Variants in FSHR observed in about 807,000 individuals in gnomAD.
FSHR encodes the protein follicle-stimulating hormone receptor.
FSHR carries 46 observed loss-of-function variants against 52.1 expected under a neutral mutation model. That is an observed-to-expected ratio of 0.88 (90% CI 0.70 to 1.13). The LOEUF is 1.13. Ranked by LOEUF, FSHR falls within the 50% of genes most tolerant of loss-of-function variation. FSHR has a pLI of 0.00. For missense variants in FSHR, 964 were observed against 834.6 expected, an observed-to-expected ratio of 1.16 and a Z score of -1.91; for synonymous variants, 399 against 309.6, an observed-to-expected ratio of 1.29 and a Z score of -3.03.
chr2:49,044,806 C>T (rs1225966520), intron 2 of FSHR, among the ~76,000 whole-genome samples: 1 of 152,182 alleles, frequency 6.6e-6, no homozygotes, highest in Non-Finnish European at 1.5e-5. Context: ...ACTGCCAGGA[C>T]ATAATGGCTA....
chr2:49,021,863 CTATATA>C (rs1224896244), intron 2 of FSHR, among the ~76,000 whole-genome samples: 9 of 49,864 alleles, frequency 1.8e-4, no homozygotes, highest in African/African-American at 3.3e-4. Flanking sequence ...CTCTCTCTCT[CTATATA>C]TATATATATA....
chr2:48,963,665 T>A lies in FSHR; in HGVS notation c.1156A>T (p.Ile386Phe). 1 of 1,614,122 alleles carries A rather than the reference T, an allele frequency of 6.2e-7. No homozygotes were observed. Among genetic ancestry groups the A allele is most frequent in the Non-Finnish European group, 8.5e-7 (1 of 1,180,002 alleles). The change falls in exon 10 of 10, where the codon ATC (isoleucine) becomes TTC (phenylalanine). Residue 386 changes from isoleucine (I) to phenylalanine (F), a missense_variant. Transcript: ENST00000406846. Reference protein sequence around the residue: ...AITGNIIVLVILTTSQYKLTV... With the variant: ...AITGNIIVLVFLTTSQYKLTV... ...AGTTTATATTGGCTGGTAGTTAGGA[T>A]CACTAGCACTATGATGTTCCCAGTG...
In FSHR at chr2:49,033,964, C is replaced by T. The variant is rs576786555; in HGVS notation, c.225-13804G>A. Among the ~76,000 whole-genome samples, 8 of 152,142 alleles carry T rather than the reference C, an allele frequency of 5.3e-5. No individual in the cohort carries two copies. In the South Asian group the frequency reaches 1.7e-3, roughly 32 times the overall value. On this transcript the variant is annotated intron_variant, in intron 2 of 9. Transcript: ENST00000406846. ...GGCTGGATATCAATGGGCTTTAGGT[C>T]CTCAGCCACTGAAGGAAAAGATGAA...
chr2:49,148,243 G>A (rs1328338671), intron 1 of FSHR, among the ~76,000 whole-genome samples: 6 of 152,010 alleles, frequency 3.9e-5, no homozygotes, highest in Middle Eastern at 3.4e-3. Context: ...TAACTCAGTA[G>A]ACCTTGTTTC....
chr2:49,145,391 A>T (rs1420306896), intron 1 of FSHR, among the ~76,000 whole-genome samples: 1 of 152,074 alleles, frequency 6.6e-6, no homozygotes, highest in Non-Finnish European at 1.5e-5. Context: ...TAAAACAAGG[A>T]TTTGCTAGCT....
chr2:49,107,719 T>G (rs1438265515), intron 1 of FSHR, among the ~76,000 whole-genome samples: 4 of 152,158 alleles, frequency 2.6e-5, no homozygotes, highest in African/African-American at 9.6e-5. Context: ...CACTACAAAG[T>G]AAGAACTACT....
chr2:49,019,049 A>T, intron 3 of FSHR, among the ~76,000 whole-genome samples: 1 of 152,216 alleles, frequency 6.6e-6, no homozygotes, highest in East Asian at 1.9e-4. Context: ...CTGTAAAATT[A>T]GGAGGTAGTT....
rs1675637114 is a variant in FSHR, at chr2:48,988,886, C to G, written c.524+91G>C. On this transcript the variant is annotated intron_variant, in intron 6 of 9. Coordinates refer to ENST00000406846, the MANE Select transcript of FSHR (RefSeq NM_000145.4). ...TTAAGTGGAGAAATGCCAAAGTTAC[C>G]CAAACAAAAAAGGAGCATCCAATTA... is the stretch of plus-strand genomic sequence containing the variant. 4 of 1,065,734 alleles carry G rather than the reference C, an allele frequency of 3.8e-6. 1 individual carries two copies. Among genetic ancestry groups the G allele is most frequent in the African/African-American group, 3.1e-5 (2 of 63,590 alleles). The allele number at this position is 1,065,734 out of a possible 1,614,324, so 66.0% of individuals were successfully genotyped here.
chr2:49,104,496 G>T (rs1401329229), intron 1 of FSHR, among the ~76,000 whole-genome samples: 1 of 152,068 alleles, frequency 6.6e-6, no homozygotes, highest in African/African-American at 2.4e-5. Flanking sequence ...CTTTTAGATA[G>T]AAAGAAAAGC....
intron 8 of FSHR, among the ~76,000 whole-genome samples, chr2:48,982,362 G>A (rs1675289936): frequency 6.6e-6 from 1 of 152,186 alleles, no homozygotes. Context: ...TGCATCCCAA[G>A]GGATTTGGAA....
chr2:48,986,792 G>A (rs1344384155), intron 6 of FSHR, among the ~76,000 whole-genome samples: 1 of 152,100 alleles, frequency 6.6e-6, no homozygotes, highest in African/African-American at 2.4e-5. Flanking sequence ...CTCTAGTTGG[G>A]GAGAGTTGAG....
intron 4 of FSHR, among the ~76,000 whole-genome samples, chr2:49,002,131 T>A (rs1395574133): frequency 6.6e-6 from 1 of 152,088 alleles, no homozygotes; most frequent in Non-Finnish European, 1.5e-5. Flanking sequence ...CAGTAAATAT[T>A]TTACAGGTCT....
rs70946839 is a variant in FSHR at position 48,985,697 on chromosome 2, G to GTTTTTTTTTTTTTT, written c.525-2545_525-2532dup. Among the ~76,000 whole-genome samples, 11 of 99,540 alleles carry GTTTTTTTTTTTTTT rather than the reference G, an allele frequency of 1.1e-4. 4 individuals carry two copies. Among genetic ancestry groups the GTTTTTTTTTTTTTT allele is most frequent in the African/African-American group, 2.5e-4 (6 of 23,878 alleles). 65.3% of individuals were successfully genotyped at this position (99,540 alleles called of 152,430 possible). On this transcript the variant is annotated intron_variant, in intron 6 of 9. Coordinates refer to ENST00000406846, the MANE Select transcript of FSHR (RefSeq NM_000145.4). ...TTCAGTTTCAGGGGAGCAAGTACAG[G>GTTTTTTTTTTTTTT]TTTTTTTTTTTTTTTTTTTTTTTTT...
chr2:48,980,686 C>G (rs568478549), intron 8 of FSHR, among the ~76,000 whole-genome samples: 1 of 152,122 alleles, frequency 6.6e-6, no homozygotes, highest in Non-Finnish European at 1.5e-5. Context: ...TTCAATTAAA[C>G]GTATTTATGG....
intron 1 of FSHR, among the ~76,000 whole-genome samples, chr2:49,069,018 C>T (rs1462995011): frequency 6.6e-6 from 1 of 152,080 alleles, no homozygotes; most frequent in East Asian, 1.9e-4. Flanking sequence ...CTTCTCTTAA[C>T]CTCAGCTGAC....
chr2:49,005,718 C>G (rs1157315486), intron 4 of FSHR, among the ~76,000 whole-genome samples: 1 of 152,078 alleles, frequency 6.6e-6, no homozygotes, highest in East Asian at 1.9e-4. Context: ...GAAATGTGTC[C>G]CTATTGAACC....
chr2:49,043,120 T>C (rs1380454044), intron 2 of FSHR, among the ~76,000 whole-genome samples: 1 of 152,186 alleles, frequency 6.6e-6, no homozygotes, highest in Non-Finnish European at 1.5e-5. Flanking sequence ...AGGAGCAGAC[T>C]CTTTCCCTTT....
At chr2:49,036,519 A>G (rs1038241065) in intron 2 of FSHR, among the ~76,000 whole-genome samples, 9 of 152,006 alleles carry the variant, frequency 5.9e-5, no homozygotes, top group Non-Finnish European at 8.8e-5. Context: ...CTATATCTAT[A>G]TCTATATATA....
At chr2:49,113,139 A>G (rs1671483837) in intron 1 of FSHR, among the ~76,000 whole-genome samples, 2 of 152,210 alleles carry the variant, frequency 1.3e-5, no homozygotes, top group Admixed American at 1.3e-4. Flanking sequence ...ACTCTTCACT[A>G]CCAGCCTTGA....
Sources: allele counts gnomAD v4.1 joint callset (sites outside exome capture counted in the v4.1 genomes callset), GRCh38; gene constraint gnomAD v4.1.1; transcripts MANE v1.5; gene names NCBI Gene and HGNC (gene_info 2026-07-23, HGNC 2026-07-21).